Variants in RALGAPB observed in about 807,000 individuals in gnomAD.
RALGAPB encodes ral GTPase-activating protein subunit beta.
RALGAPB carries 25 observed loss-of-function variants against 161.1 expected under a neutral mutation model. That is an observed-to-expected ratio of 0.16 (90% CI 0.11 to 0.22). The LOEUF is 0.22. RALGAPB is among the 10% of genes least tolerant of loss of function. The pLI is 1.00. For synonymous variants in RALGAPB, 629 were observed against 626.1 expected (o/e 1.00, Z -0.07); for missense variants, 1,391 against 1,815.2 (o/e 0.77, Z 4.25).
In RALGAPB at chr20:38,524,787, G is replaced by A; in HGVS notation, c.1629G>A (p.Met543Ile). ...ILPAYLSRFYMLLIQGLQIND... is the reference protein window; with the variant it reads ...ILPAYLSRFYILLIQGLQIND... Reference sequence around the variant, plus strand: ...TTTCTTGCTTTCCTAGATTTTACATGCTTTTAATTCAAGGTTTGCAGATAA... The same window carrying A: ...TTTCTTGCTTTCCTAGATTTTACATACTTTTAATTCAAGGTTTGCAGATAA... The change falls in exon 11 of 30, where the codon ATG becomes ATA. Residue 543 changes from methionine (M) to isoleucine (I), a missense_variant. Met to Ile is a conservative substitution (Grantham distance 10, BLOSUM62 1). This residue lies in a region of RALGAPB where 946 missense variants were observed against 1,257.2 expected (regional missense o/e 0.75). Coordinates refer to ENST00000262879, the MANE Select transcript of RALGAPB (RefSeq NM_020336.4). 1 of 1,602,592 alleles carries A rather than the reference G, an allele frequency of 6.2e-7. No individual in the cohort carries two copies. The highest frequency in any genetic ancestry group is 8.5e-7 in the Non-Finnish European group (1 of 1,172,744).
intron 23 of RALGAPB, among the ~76,000 whole-genome samples, chr20:38,558,709 T>C (rs1449505558): frequency 6.6e-6 from 1 of 152,162 alleles, no homozygotes; most frequent in Non-Finnish European, 1.5e-5. Context: ...AGAAATAACA[T>C]TGATTAATGA....
intron 3 of RALGAPB, among the ~76,000 whole-genome samples, chr20:38,496,209 G>A (rs138145621): frequency 6.6e-6 from 1 of 152,104 alleles, no homozygotes; most frequent in South Asian, 2.1e-4. Context: ...CTTTAGGTCT[G>A]ACTTCTTTAG....
intron 1 of RALGAPB, 150 bp from the exon 2 acceptor site, chr20:38,488,253 A>G: frequency 1.9e-6 from 1 of 527,686 alleles, no homozygotes; most frequent in Non-Finnish European, 3.3e-6. Context: ...AAACATTGAT[A>G]GTTTCATGAC....
At chr20:38,502,000 T>A (rs547686939) in intron 5 of RALGAPB, among the ~76,000 whole-genome samples, 1 of 152,200 alleles carries the variant, frequency 6.6e-6, no homozygotes, top group South Asian at 2.1e-4. Context: ...TTAAAACTTA[T>A]GCATACAAAT....
At chr20:38,516,485 CAA>C in intron 7 of RALGAPB, 115 bp downstream of exon 7, 1 of 1,041,352 alleles carries the variant, frequency 9.6e-7, no homozygotes, top group Non-Finnish European at 1.3e-6. Context: ...GATTTGATGA[CAA>C]ATAACAAGCG....
At chr20:38,482,426 C>CTTTTTTT (rs386393725) in intron 1 of RALGAPB, among the ~76,000 whole-genome samples, 1 of 121,386 alleles carries the variant, frequency 8.2e-6, no homozygotes, top group Non-Finnish European at 1.6e-5. Context: ...GTATGTTTAT[C>CTTTTTTT]TTTTTTTTTT....
intron 5 of RALGAPB, among the ~76,000 whole-genome samples, chr20:38,503,466 G>C (rs1303781548): frequency 6.6e-6 from 1 of 152,172 alleles, no homozygotes; most frequent in Non-Finnish European, 1.5e-5. Flanking sequence ...CTGCAGATGA[G>C]GTGGAGAAGT....
Position 38,574,911 on chromosome 20 carries a change from C to T in RALGAPB, c.4429C>T (p.Pro1477Ser). ...VNKYRNKQLEPEFYTSLFQEV... is the reference protein window; with the variant it reads ...VNKYRNKQLESEFYTSLFQEV... Reference sequence around the variant, plus strand: ...CAAGTACCGGAACAAGCAGCTGGAGCCAGAGTTTTATACTTCACTTTTCCA... The same window carrying T: ...CAAGTACCGGAACAAGCAGCTGGAGTCAGAGTTTTATACTTCACTTTTCCA... Residue 1477 changes from proline to serine, a missense_variant, in exon 30 of 30, where the codon CCA becomes TCA. Coordinates refer to ENST00000262879, the MANE Select transcript of RALGAPB (RefSeq NM_020336.4). 6.2e-7 allele frequency: 1 copy of T among 1,613,984 alleles called. No individual in the cohort carries two copies.
intron 24 of RALGAPB, 48 bp downstream of exon 24, chr20:38,562,745 C>T: frequency 1.3e-6 from 2 of 1,512,850 alleles, no homozygotes. Context: ...GTTTGTTAGT[C>T]TTGTTTTTTT....
chr20:38,493,166 G>A (rs2085326285), intron 3 of RALGAPB, 34 bp downstream of exon 3: 2 of 1,512,768 alleles, frequency 1.3e-6, no homozygotes, highest in Admixed American at 3.4e-5. Context: ...CCCATTATCA[G>A]GGTCATAGTA....
intron 1 of RALGAPB, among the ~76,000 whole-genome samples, chr20:38,477,217 GTTTAAAC>G (rs528935952): frequency 1.4e-4 from 21 of 152,216 alleles, no homozygotes; most frequent in East Asian, 1.2e-3. Context: ...GACTCAAATA[GTTTAAAC>G]TTAAAACTAT....
At chr20:38,488,656 G>C (rs2122862663) in intron 2 of RALGAPB, 38 bp downstream of exon 2, 1 of 1,551,166 alleles carries the variant, frequency 6.4e-7, no homozygotes, top group East Asian at 2.3e-5. Context: ...ATATGAAAAT[G>C]TACATTTGTT....
chr20:38,567,549 C>T (rs1036156489), intron 26 of RALGAPB, among the ~76,000 whole-genome samples: 1 of 152,146 alleles, frequency 6.6e-6, no homozygotes, highest in Non-Finnish European at 1.5e-5. Context: ...GCAGTAACTA[C>T]ATGTTTTTTT....
chr20:38,499,862 C>T (rs2085526857), intron 5 of RALGAPB: 1 of 324,954 alleles, frequency 3.1e-6, no homozygotes, highest in Admixed American at 4.9e-5. Context: ...ACCCTACTTC[C>T]CCCACAAAAA....
rs573157037 is a variant in RALGAPB at position 38,489,335 on chromosome 20, C to T, written c.186+717C>T. Among the ~76,000 whole-genome samples the T allele has an allele frequency of 1.3e-3, 195 of 152,206 alleles. 1 individual carries two copies. Among genetic ancestry groups the T allele is most frequent in the African/African-American group, 3.0e-3 (125 of 41,508 alleles). ...CTGGAACTACAGACACATGCCACCA[C>T]GCCAGGCTAATTTAAAAAATTTTTT... On this transcript the variant is annotated intron_variant, in intron 2 of 29. Coordinates refer to ENST00000262879, the MANE Select transcript of RALGAPB (RefSeq NM_020336.4).
At position 38,508,242 on chromosome 20, in the gene RALGAPB, T is replaced by C. The variant is rs553120081; in HGVS notation, c.741-835T>C. Reference sequence around the variant, plus strand: ...AAAGACATTTAAAAACTAAGATCACTGACAGCTGAAAAACACAAACTATAA... The same window carrying C: ...AAAGACATTTAAAAACTAAGATCACCGACAGCTGAAAAACACAAACTATAA... On this transcript the variant is annotated intron_variant, in intron 5 of 29. Transcript: ENST00000262879. Among the ~76,000 whole-genome samples, 617 of 152,014 alleles carry C rather than the reference T, an allele frequency of 4.1e-3. 1 individual carries two copies. Among genetic ancestry groups the C allele is most frequent in the South Asian group, 0.013 (63 of 4,824 alleles).
intron 13 of RALGAPB, among the ~76,000 whole-genome samples, chr20:38,527,201 A>G (rs1024917260): frequency 3.9e-5 from 6 of 152,096 alleles, no homozygotes; most frequent in African/African-American, 1.4e-4. Flanking sequence ...AGCATCTTAG[A>G]TTTTTATCTG....
chr20:38,567,535 T>TA (rs1472867226), intron 26 of RALGAPB, among the ~76,000 whole-genome samples: 5 of 152,188 alleles, frequency 3.3e-5, no homozygotes, highest in African/African-American at 9.7e-5. Flanking sequence ...CCACTAAAGT[T>TA]ACTGCAGTAA....
intron 25 of RALGAPB, 31 bp downstream of exon 25, chr20:38,565,509 G>A: frequency 6.2e-7 from 1 of 1,607,870 alleles, no homozygotes; most frequent in South Asian, 1.1e-5. Flanking sequence ...TCCTGTTTTA[G>A]GATCTATTTT....
Sources: allele counts gnomAD v4.1 joint callset (sites outside exome capture counted in the v4.1 genomes callset), GRCh38; gene constraint gnomAD v4.1.1; regional missense constraint gnomAD v4.1.1; transcripts MANE v1.5; gene names NCBI Gene and HGNC (gene_info 2026-07-23, HGNC 2026-07-21).